KPTN: variants seen among roughly 807,000 people sequenced by gnomAD.
KPTN encodes KICSTOR complex protein kaptin.
Under a neutral mutation model 52.6 loss-of-function variants are expected in KPTN, and 36 were observed. That is an observed-to-expected ratio of 0.68 (90% confidence interval 0.52 to 0.90). KPTN has a LOEUF of 0.90. Among genes scored for constraint, KPTN ranks in the 40% least tolerant of loss-of-function variants. The pLI, the probability that KPTN is intolerant of heterozygous loss-of-function variation, is 0.00. For synonymous variants in KPTN, 271 were observed against 248.4 expected (o/e 1.09, Z -0.85); for missense variants, 529 against 576.2 (o/e 0.92, Z 0.84).
In KPTN at chr19:47,477,042, T is replaced by G. The variant is rs1967695985; in HGVS notation, c.864-104A>C. ...CCGGTACTGCTTCCCTTCTCAGGCC[T>G]AGACACACTGGTCCTCCGGAAGCCT... On this transcript the variant is annotated intron_variant, in intron 9 of 11. Coordinates refer to ENST00000338134, the MANE Select transcript of KPTN (RefSeq NM_007059.4). 19 of 1,188,512 alleles carry G rather than the reference T, an allele frequency of 1.6e-5. No individual in the cohort carries two copies. In the South Asian group the frequency reaches 2.7e-4, roughly 17 times the overall value. 73.6% of individuals were successfully genotyped at this position (1,188,512 alleles called of 1,614,324 possible).
chr19:47,481,187 C>T (rs1967868944), intron 4 of KPTN, among the ~76,000 whole-genome samples, 154 bp from the exon 5 acceptor site: 1 of 152,184 alleles, frequency 6.6e-6, no homozygotes, highest in Admixed American at 6.5e-5. Context: ...GCTCAAGCTC[C>T]TGAGTACTGT....
chr19:47,479,789 A>T (rs1394072574), intron 8 of KPTN, 74 bp downstream of exon 8: 4 of 1,259,612 alleles, frequency 3.2e-6, no homozygotes, highest in African/African-American at 3.0e-5. Context: ...ATCTGGGTAG[A>T]AGGACCCAAG....
chr19:47,480,406 C>T lies in KPTN; in HGVS notation c.601G>A (p.Val201Ile). 5 of 1,544,350 alleles carry T rather than the reference C, an allele frequency of 3.2e-6. No homozygotes were observed. Among genetic ancestry groups the T allele is most frequent in the Non-Finnish European group, 4.4e-6 (5 of 1,143,520 alleles). ...AAGTTGTGGACGTCCAGCCAGAGGA[C>T]GCTGGCGGGCGGGTGGATGGACAGG... ...FPELTNLTSS[V>I]LWLDVHNFPG... Residue 201 changes from valine to isoleucine, a missense_variant and splice_region_variant, in exon 7 of 12, where the codon GTC (valine) becomes ATC (isoleucine). Transcript: ENST00000338134.
chr19:47,480,575 C>A, intron 6 of KPTN, 168 bp from the exon 7 acceptor site: 1 of 746,828 alleles, frequency 1.3e-6, no homozygotes, highest in Non-Finnish European at 2.3e-6. Flanking sequence ...TCTCACCACC[C>A]GAGGGCTGAG....
In KPTN at chr19:47,478,596, G is replaced by A. The variant is rs1389641469; in HGVS notation, c.788-815C>T. 1.1e-4 allele frequency among the ~76,000 whole-genome samples: 4 copies of A among 37,892 alleles called. No homozygotes were observed. The East Asian group carries it at 4.0e-3, about 38-fold the overall frequency. 24.9% of individuals were successfully genotyped at this position (37,892 alleles called of 152,430 possible). ...AAAAAAAAAAAAAAAAAAGACATTT[G>A]TGCATGTATGTTTACAACAGCCCAA... is the stretch of plus-strand genomic sequence containing the variant. On this transcript the variant is annotated intron_variant, in intron 8 of 11. Transcript: ENST00000338134.
chr19:47,483,956 G>C lies in KPTN; in HGVS notation c.205C>G (p.Leu69Val), dbSNP rs1365508708. Reference protein sequence around the residue: ...RQKIRPVAKELQFNYIPVDAE... With the variant: ...RQKIRPVAKEVQFNYIPVDAE... ...CCACCGGGAATGTAGTTGAACTGCAGCTCCTTGGCCACTGGCCGGATTTTC... is the reference window on the plus strand; with the variant it reads ...CCACCGGGAATGTAGTTGAACTGCACCTCCTTGGCCACTGGCCGGATTTTC... Residue 69 changes from leucine (L) to valine (V), a missense_variant, in exon 1 of 12, where the codon CTG (leucine) becomes GTG (valine). Leu to Val is a conservative substitution (Grantham distance 32). Coordinates refer to ENST00000338134, the MANE Select transcript of KPTN (RefSeq NM_007059.4). 6.2e-7 allele frequency: 1 copy of C among 1,613,682 alleles called. No homozygotes were observed. The highest frequency in any genetic ancestry group is 8.5e-7 in the Non-Finnish European group (1 of 1,180,002).
intron 4 of KPTN, 73 bp downstream of exon 4, chr19:47,483,088 A>T (rs1331483923): frequency 7.2e-7 from 1 of 1,398,546 alleles, no homozygotes; most frequent in Non-Finnish European, 1.0e-6. Context: ...GTCTGTAAGT[A>T]AAGAAGGGGT....
Position 47,483,389 on chromosome 19 carries a change from G to A in KPTN, c.310-10C>T. The stretch of plus-strand genomic sequence containing the variant: ...CCTTGTCCCCTGAATCCTGGCGGAG[G>A]ACACGGGGTTCAGGGGAGGGCAGGG... On this transcript the variant is annotated splice_polypyrimidine_tract_variant and intron_variant, in intron 2 of 11. Coordinates refer to ENST00000338134, the MANE Select transcript of KPTN (RefSeq NM_007059.4). 6.2e-7 allele frequency: 1 copy of A among 1,613,336 alleles called. No individual in the cohort carries two copies. Among genetic ancestry groups the A allele is most frequent in the Non-Finnish European group, 8.5e-7 (1 of 1,179,420 alleles).
chr19:47,480,482 A>G, intron 6 of KPTN, 75 bp from the exon 7 acceptor site: 4 of 1,074,962 alleles, frequency 3.7e-6, no homozygotes, highest in Non-Finnish European at 5.4e-6. Flanking sequence ...CCCCAGGGGC[A>G]GCCGCCCCTC....
intron 9 of KPTN, 80 bp from the exon 10 acceptor site, chr19:47,477,018 C>T (rs1044685037): frequency 9.8e-6 from 14 of 1,424,844 alleles, no homozygotes; most frequent in Admixed American, 4.2e-5. Context: ...AGCTGGGTAC[C>T]GGTACTGCTT....
At chr19:47,483,462 A>G in intron 2 of KPTN, 40 bp downstream of exon 2, 1 of 1,595,138 alleles carries the variant, frequency 6.3e-7, no homozygotes. Flanking sequence ...CCATGTGTGT[A>G]AGGAGGAGGG....
chr19:47,480,835 T>C lies in KPTN; in HGVS notation c.526-2A>G. ...CTCAAACTGATGCAGCCCCTCGTTC[T>C]GGGGAAACCAAGACCCACCCCACCC... On this transcript the variant is annotated splice_acceptor_variant, in intron 5 of 11. Coordinates refer to ENST00000338134, the MANE Select transcript of KPTN (RefSeq NM_007059.4). LOFTEE classifies it high-confidence loss of function. 1.2e-6 allele frequency: 2 copies of C among 1,614,046 alleles called. No homozygotes were observed. The highest frequency in any genetic ancestry group is 1.1e-5 in the South Asian group (1 of 91,074).
intron 4 of KPTN, among the ~76,000 whole-genome samples, chr19:47,482,424 G>C (rs1044581339): frequency 1.3e-5 from 2 of 150,402 alleles, no homozygotes; most frequent in African/African-American, 4.9e-5. Context: ...GGGAGGTAGA[G>C]GTTGCAGAGA....
rs2122669618 is a variant in KPTN at position 47,475,443 on chromosome 19, T to G, written c.1284A>C (p.Ala428=). 3.1e-6 allele frequency: 5 copies of G among 1,612,996 alleles called. No individual in the cohort carries two copies. The East Asian group carries it at 6.7e-5, about 22-fold the overall frequency. ...RLQGLEDGAG[A]GPAENAAS ...AAGAGGCTGCATTCTCAGCAGGCCC[T>G]GCACCTGCCCCGTCCTCCAACCCCT... is the stretch of plus-strand genomic sequence containing the variant. The change falls in exon 12 of 12, where the codon GCA becomes GCC. Residue 428 remains alanine, a synonymous_variant. Transcript: ENST00000338134.
chr19:47,483,036 T>C, intron 4 of KPTN, 125 bp downstream of exon 4: 1 of 1,041,296 alleles, frequency 9.6e-7, no homozygotes, highest in Admixed American at 1.8e-5. Context: ...CCTAATCTAG[T>C]ACAACCTCTT....
At chr19:47,480,500 C>T (rs1967840328) in intron 6 of KPTN, 93 bp from the exon 7 acceptor site, 3 of 898,274 alleles carry the variant, frequency 3.3e-6, no homozygotes, top group Non-Finnish European at 1.7e-6. Context: ...CTCCCTGTAG[C>T]CCTGGGACCC....
intron 7 of KPTN, 146 bp from the exon 8 acceptor site, chr19:47,480,086 A>C: frequency 4.0e-6 from 1 of 248,590 alleles, no homozygotes. Context: ...CCCCGCCCCC[A>C]ATCCCCACCC....
At chr19:47,483,878 A>G in intron 1 of KPTN, 57 bp downstream of exon 1, 1 of 1,603,134 alleles carries the variant, frequency 6.2e-7, no homozygotes. Context: ...GAGCCTCAGA[A>G]GCCTTCTCAA....
chr19:47,484,207 C>T lies in KPTN; in HGVS notation c.-47G>A, dbSNP rs1967999896. ...TCCGCAGCCCCCGCCCCAACCCGCA[C>T]TACCCAACCTACGACTCTCTAAGCG... On this transcript the variant is annotated 5_prime_UTR_variant, in exon 1 of 12. It adds an upstream start codon to the 5' untranslated region. Transcript: ENST00000338134. 1.3e-6 allele frequency: 2 copies of T among 1,553,698 alleles called. No individual in the cohort carries two copies. The highest frequency in any genetic ancestry group is 1.7e-6 in the Non-Finnish European group (2 of 1,154,824).
Sources: allele counts gnomAD v4.1 joint callset (sites outside exome capture counted in the v4.1 genomes callset), GRCh38; gene constraint gnomAD v4.1.1; transcripts MANE v1.5; gene names NCBI Gene and HGNC (gene_info 2026-07-23, HGNC 2026-07-21).